MGAT4A: variants seen among roughly 807,000 people sequenced by gnomAD.
MGAT4A encodes alpha-1,3-mannosyl-glycoprotein 4-beta-N-acetylglucosaminyltransferase A, also known as N-acetylglucosaminyltransferase IVa.
In MGAT4A, 33 loss-of-function variants were observed where a neutral mutation model predicts 74.1. That is an observed-to-expected ratio of 0.45 (90% CI 0.34 to 0.60). The LOEUF (loss-of-function observed/expected upper bound fraction) is 0.60. MGAT4A is among the 20% of genes least tolerant of loss of function. MGAT4A has a pLI of 0.02. For missense variants in MGAT4A, 479 were observed against 628.3 expected (o/e 0.76, Z 2.54); for synonymous variants, 198 against 210.4 (o/e 0.94, Z 0.51).
chr2:98,655,013 C>G (rs1018085358), intron 8 of MGAT4A, among the ~76,000 whole-genome samples: 2 of 151,966 alleles, frequency 1.3e-5, no homozygotes, highest in African/African-American at 2.4e-5. Flanking sequence ...AATTAAATGT[C>G]AATTTTATTA....
chr2:98,619,910 C>A lies in MGAT4A; in HGVS notation c.*5656G>T, dbSNP rs1701021439. On this transcript the variant is annotated 3_prime_UTR_variant, in exon 16 of 16. Coordinates refer to ENST00000393487, the MANE Select transcript of MGAT4A (RefSeq NM_012214.3). The stretch of plus-strand genomic sequence containing the variant: ...AATTTTAGCACCACTTTTTTTTTTC[C>A]ACAATTTTGACTGCAACATTAACAG... The A allele has an allele frequency of 6.6e-6, 1 of 151,486 alleles. No individual in the cohort carries two copies. The highest frequency in any genetic ancestry group is 2.1e-4 in the South Asian group (1 of 4,820). 9.4% of individuals were successfully genotyped at this position (151,486 alleles called of 1,614,324 possible).
intron 8 of MGAT4A, among the ~76,000 whole-genome samples, chr2:98,647,720 C>CA (rs1701514963): frequency 6.6e-6 from 1 of 152,206 alleles, no homozygotes; most frequent in African/African-American, 2.4e-5. Flanking sequence ...GTGTTCAACT[C>CA]AGAGTTTTTT....
chr2:98,729,026 G>A (rs1385390788), intron 1 of MGAT4A, among the ~76,000 whole-genome samples: 2 of 152,006 alleles, frequency 1.3e-5, no homozygotes, highest in Non-Finnish European at 2.9e-5. Context: ...GAGGTAGAGC[G>A]CACATCATAT....
chr2:98,658,119 G>T, intron 6 of MGAT4A, 99 bp downstream of exon 6: 1 of 759,208 alleles, frequency 1.3e-6, no homozygotes, highest in Non-Finnish European at 2.2e-6. Flanking sequence ...GAACTCCACA[G>T]AGAAATGAAC....
At chr2:98,704,538 C>A (rs1190519171) in intron 2 of MGAT4A, among the ~76,000 whole-genome samples, 1 of 151,944 alleles carries the variant, frequency 6.6e-6, no homozygotes. Context: ...AGCTCAGGAG[C>A]CCGAGGCTGC....
intron 2 of MGAT4A, among the ~76,000 whole-genome samples, chr2:98,705,485 C>A (rs866199639): frequency 1.3e-5 from 2 of 152,140 alleles, no homozygotes; most frequent in Middle Eastern, 3.2e-3. Flanking sequence ...AACTGTTACC[C>A]CAGCATGACT....
chr2:98,635,988 A>AAAAATAAAATAAAATAAAATAAAAT (rs201089786), intron 13 of MGAT4A, among the ~76,000 whole-genome samples: 115 of 140,752 alleles, frequency 8.2e-4, no homozygotes, highest in African/African-American at 2.6e-3. Flanking sequence ...TCTGTCTCAA[A>AAAAATAAAATAAAATAAAATAAAAT]AAAATAAAAT....
chr2:98,726,103 T>C, intron 2 of MGAT4A, 136 bp downstream of exon 2: 1 of 582,988 alleles, frequency 1.7e-6, no homozygotes, highest in Non-Finnish European at 3.0e-6. Flanking sequence ...GTTTCATTTT[T>C]ATATCAGAAA....
At chr2:98,676,463 T>G (rs1012397260) in intron 3 of MGAT4A, among the ~76,000 whole-genome samples, 3 of 152,184 alleles carry the variant, frequency 2.0e-5, no homozygotes, top group Non-Finnish European at 4.4e-5. Context: ...ATTATCTATT[T>G]TATTCCAGCA....
Position 98,655,441 on chromosome 2 carries a change from T to C in MGAT4A, c.774+4A>G. 1.3e-6 allele frequency: 2 copies of C among 1,589,956 alleles called. No individual in the cohort carries two copies. Among genetic ancestry groups the C allele is most frequent in the South Asian group, 2.3e-5 (2 of 87,714 alleles). ...ATGAAAAACAAAGGAAAAACTACAC[T>C]TACCTGAATGTAATATATGCCCTTT... On this transcript the variant is annotated splice_donor_region_variant and intron_variant, in intron 8 of 15. Transcript: ENST00000393487.
chr2:98,658,644 A>G (rs943187062), intron 5 of MGAT4A, among the ~76,000 whole-genome samples: 5 of 152,202 alleles, frequency 3.3e-5, no homozygotes, highest in African/African-American at 9.6e-5. Context: ...TTGCCTCTGT[A>G]GCTACTGAAC....
rs140974456 is a variant in MGAT4A, at chr2:98,680,900, C to T, written c.95-2429G>A. The stretch of plus-strand genomic sequence containing the variant: ...AGAATCAATAAAATTATCTCTTATT[C>T]CTAAATAAGAAGACTCAGTCTTACA... On this transcript the variant is annotated intron_variant, in intron 2 of 15. Coordinates refer to ENST00000393487, the MANE Select transcript of MGAT4A (RefSeq NM_012214.3). Among the ~76,000 whole-genome samples, 424 of 152,288 alleles carry T rather than the reference C, an allele frequency of 2.8e-3. 3 individuals carry two copies. Among genetic ancestry groups the T allele is most frequent in the African/African-American group, 9.8e-3 (408 of 41,546 alleles).
Position 98,622,117 on chromosome 2 carries a change from G to A in MGAT4A, c.*3449C>T. On this transcript the variant is annotated 3_prime_UTR_variant, in exon 16 of 16. Transcript: ENST00000393487. ...TCTTACATCTTAGAATCCTAGAAAT[G>A]GGTCCTCAGCTTTCTCTTCTCACCC... 1 of 985,384 alleles carries A rather than the reference G, an allele frequency of 1.0e-6. No homozygotes were observed. The highest frequency in any genetic ancestry group is 1.2e-6 in the Non-Finnish European group (1 of 829,900). 61.0% of individuals were successfully genotyped at this position (985,384 alleles called of 1,614,324 possible).
chr2:98,640,883 ATTT>A (rs992245247), intron 10 of MGAT4A, among the ~76,000 whole-genome samples: 1 of 152,170 alleles, frequency 6.6e-6, no homozygotes, highest in African/African-American at 2.4e-5. Context: ...TATACAAAAT[ATTT>A]TTTATTTAAT....
intron 2 of MGAT4A, among the ~76,000 whole-genome samples, chr2:98,679,060 C>A (rs570005098): frequency 6.6e-6 from 1 of 152,098 alleles, no homozygotes; most frequent in African/African-American, 2.4e-5. Context: ...CACGTGTAAT[C>A]CCAGCACTCT....
chr2:98,624,902 T>A lies in MGAT4A; in HGVS notation c.*664A>T. On this transcript the variant is annotated 3_prime_UTR_variant, in exon 16 of 16. Transcript: ENST00000393487. ...ATGTCTTTGAAAATATTTTGTTCAG[T>A]CACTGTGATTATAAAAGTACTTCAA... 2.0e-6 allele frequency: 2 copies of A among 984,228 alleles called. No individual in the cohort carries two copies. The highest frequency in any genetic ancestry group is 9.4e-5 in the South Asian group (2 of 21,240). The allele number at this position is 984,228 out of a possible 1,614,324, so 61.0% of individuals were successfully genotyped here.
At chr2:98,655,647 T>C (rs1701647172) in intron 7 of MGAT4A, 127 bp from the exon 8 acceptor site, 5 of 578,842 alleles carry the variant, frequency 8.6e-6, no homozygotes, top group Admixed American at 3.4e-5. Flanking sequence ...CACACACACA[T>C]ACACACACAC....
chr2:98,623,617 C>G lies in MGAT4A; in HGVS notation c.*1949G>C, dbSNP rs1701095498. 2 of 984,942 alleles carry G rather than the reference C, an allele frequency of 2.0e-6. No individual in the cohort carries two copies. Among genetic ancestry groups the G allele is most frequent in the African/African-American group, 3.5e-5 (2 of 57,126 alleles). The allele number at this position is 984,942 out of a possible 1,614,324, so 61.0% of individuals were successfully genotyped here. A position where few individuals can be genotyped will look rare whatever the true frequency, so the allele number is the denominator to read the frequency against. On this transcript the variant is annotated 3_prime_UTR_variant, in exon 16 of 16. Transcript: ENST00000393487. ...AAAGTGAAAAGTAAATTTAAAACAT[C>G]CTAATAAAAAAATTTCAACTGGCCT...
At chr2:98,676,884 G>A (rs907645060) in intron 3 of MGAT4A, among the ~76,000 whole-genome samples, 4 of 151,986 alleles carry the variant, frequency 2.6e-5, no homozygotes, top group Admixed American at 6.6e-5. Flanking sequence ...CAGGTTTATC[G>A]GTGATTTATT....
Sources: allele counts gnomAD v4.1 joint callset (sites outside exome capture counted in the v4.1 genomes callset), GRCh38; gene constraint gnomAD v4.1.1; transcripts MANE v1.5; gene names NCBI Gene and HGNC (gene_info 2026-07-23, HGNC 2026-07-21).